The following ZNF365 variants were observed in gnomAD, a reference collection of about 807,000 sequenced individuals.
The protein encoded by ZNF365 is protein ZNF365.
Under a neutral mutation model 35.0 loss-of-function variants are expected in ZNF365, and 22 were observed. That is an observed-to-expected ratio of 0.63 (90% CI 0.45 to 0.90). The LOEUF (loss-of-function observed/expected upper bound fraction) is 0.90. Ranked by LOEUF, ZNF365 falls within the 40% of genes least tolerant of loss-of-function variation. The probability of loss-of-function intolerance (pLI) is 0.00; values close to 1 mark genes in which losing one functional copy is unlikely to be tolerated. For synonymous variants in ZNF365, 188 were observed against 196.2 expected (o/e 0.96, Z 0.35); for missense variants, 448 against 500.3 (o/e 0.90, Z 1.00).
At chr10:62,385,121 G>A (rs1839505637) in intron 2 of ZNF365, among the ~76,000 whole-genome samples, 1 of 152,088 alleles carries the variant, frequency 6.6e-6, no homozygotes, top group Non-Finnish European at 1.5e-5. Context: ...TGTTTAACCT[G>A]TCTTTTAAAA....
At chr10:62,424,870 C>T (rs1207102192) in intron 3 of ZNF365, among the ~76,000 whole-genome samples, 2 of 152,156 alleles carry the variant, frequency 1.3e-5, no homozygotes, top group African/African-American at 2.4e-5. Context: ...AGATGGAAAA[C>T]GTTTTTGCTG....
chr10:62,450,674 A>G (rs543618101), intron 3 of ZNF365, among the ~76,000 whole-genome samples: 1 of 152,356 alleles, frequency 6.6e-6, no homozygotes, highest in Admixed American at 6.5e-5. Flanking sequence ...GACAGACAAA[A>G]ACACCCAAAC....
At chr10:62,414,972 G>C (rs1333437968) in intron 3 of ZNF365, among the ~76,000 whole-genome samples, 1 of 152,032 alleles carries the variant, frequency 6.6e-6, no homozygotes, top group Non-Finnish European at 1.5e-5. Flanking sequence ...TCTAATCACT[G>C]TCAAACTCAT....
intron 3 of ZNF365, among the ~76,000 whole-genome samples, chr10:62,397,427 T>C (rs2132426874): frequency 6.6e-6 from 1 of 152,338 alleles, no homozygotes; most frequent in Non-Finnish European, 1.5e-5. Context: ...GGTGGCCTTT[T>C]CTCCATATTT....
At chr10:62,445,753 T>G (rs1011970916) in intron 3 of ZNF365, among the ~76,000 whole-genome samples, 20 of 152,192 alleles carry the variant, frequency 1.3e-4, no homozygotes, top group African/African-American at 4.8e-4. Context: ...AGAATCATAT[T>G]AAGATTCTAA....
chr10:62,478,619 G>A (rs1461697116), intron 4 of ZNF365, among the ~76,000 whole-genome samples: 2 of 152,224 alleles, frequency 1.3e-5, no homozygotes, highest in African/African-American at 4.8e-5. Context: ...TGTCACCCAG[G>A]CTGGAGTGCA....
chr10:62,471,371 A>G (rs925912367), intron 4 of ZNF365, among the ~76,000 whole-genome samples: 28 of 151,954 alleles, frequency 1.8e-4, no homozygotes, highest in African/African-American at 6.8e-4. Context: ...GTCTCAAAAA[A>G]AAAAAAAAAA....
rs141826827 is a variant in ZNF365, at chr10:62,378,447, C to T, written c.743+1511C>T. 4.4e-4 allele frequency among the ~76,000 whole-genome samples: 67 copies of T among 152,230 alleles called. No homozygotes were observed. In the East Asian group the frequency reaches 0.012, roughly 27 times the overall value. On this transcript the variant is annotated intron_variant, in intron 2 of 4. Transcript: ENST00000395254. The stretch of plus-strand genomic sequence containing the variant: ...GCCTGGAGTGATGGGTTCAAGAATG[C>T]TTAATTGTTAAAAATATCTGTCTAA...
At chr10:62,380,919 C>G (rs942203512) in intron 2 of ZNF365, among the ~76,000 whole-genome samples, 1 of 152,172 alleles carries the variant, frequency 6.6e-6, no homozygotes, top group African/African-American at 2.4e-5. Flanking sequence ...TACATATACA[C>G]TTTTCTGCAA....
At chr10:62,459,017 T>C (rs1564597843) in intron 3 of ZNF365, among the ~76,000 whole-genome samples, 1 of 152,180 alleles carries the variant, frequency 6.6e-6, no homozygotes, top group Non-Finnish European at 1.5e-5. Flanking sequence ...GAAATGACTA[T>C]CTTATGTTGG....
chr10:62,405,611 C>T (rs1170612648), downstream of ZNF365, among the ~76,000 whole-genome samples: 1 of 152,208 alleles, frequency 6.6e-6, no homozygotes, highest in African/African-American at 2.4e-5. Context: ...CTATGCAAGC[C>T]ACTATGGGAG....
rs540405012 is a variant in ZNF365, at chr10:62,419,858, A to G, written c.924+31282A>G. Among the ~76,000 whole-genome samples, 6 of 152,176 alleles carry G rather than the reference A, an allele frequency of 3.9e-5. No homozygotes were observed. The East Asian group carries it at 1.2e-3, about 29-fold the overall frequency. On this transcript the variant is annotated intron_variant, in intron 3 of 4. Coordinates refer to the ZNF365 transcript ENST00000395255. The stretch of plus-strand genomic sequence containing the variant: ...TACCCAAGGTCATGGAAATATCCTC[A>G]TATATTAATTAATGTTTTATCATTG...
chr10:62,376,101 C>G, intron 1 of ZNF365, 80 bp from the exon 2 acceptor site: 1 of 1,460,028 alleles, frequency 6.8e-7, no homozygotes. Context: ...AAAGCCTCTG[C>G]TGTCATGGAG....
At chr10:62,479,527 CTT>C in intron 4 of ZNF365, among the ~76,000 whole-genome samples, 1 of 152,294 alleles carries the variant, frequency 6.6e-6, no homozygotes, top group South Asian at 2.1e-4. Flanking sequence ...GATTATATAA[CTT>C]ATCATCTGAA....
chr10:62,478,240 C>T (rs960065224), intron 4 of ZNF365, among the ~76,000 whole-genome samples: 6 of 152,108 alleles, frequency 3.9e-5, no homozygotes, highest in African/African-American at 1.4e-4. Flanking sequence ...GGGACAAAGA[C>T]CATAATAAAC....
intron 2 of ZNF365, among the ~76,000 whole-genome samples, chr10:62,377,971 C>A (rs2132407524): frequency 6.6e-6 from 1 of 152,290 alleles, no homozygotes; most frequent in African/African-American, 2.4e-5. Flanking sequence ...CTGAGACACT[C>A]CATAGATTAA....
chr10:62,469,604 T>C (rs1424362185), intron 4 of ZNF365, among the ~76,000 whole-genome samples: 1 of 152,214 alleles, frequency 6.6e-6, no homozygotes, highest in Non-Finnish European at 1.5e-5. Context: ...TTTTGAAGTC[T>C]CATTATACAC....
chr10:62,449,086 G>A (rs907781650), intron 3 of ZNF365, among the ~76,000 whole-genome samples: 9 of 152,174 alleles, frequency 5.9e-5, no homozygotes, highest in Non-Finnish European at 1.3e-4. Context: ...AGGGAAAAGA[G>A]AGGAAAGCTT....
intron 2 of ZNF365, among the ~76,000 whole-genome samples, chr10:62,387,253 T>C (rs1056927554): frequency 3.3e-5 from 5 of 151,840 alleles, no homozygotes; most frequent in African/African-American, 1.2e-4. Context: ...GAGAGGGGAA[T>C]TGAGAGTTGA....
Sources: gnomAD v4.1 joint callset for allele counts (sites outside exome capture counted in the v4.1 genomes callset) on GRCh38, gnomAD v4.1.1 for gene constraint, MANE v1.5 for transcripts, NCBI Gene and HGNC (gene_info 2026-07-23, HGNC 2026-07-21) for gene names.